Variants in RNF175 observed in about 807,000 individuals in gnomAD.
RNF175 encodes the protein ring finger protein 175.
Under a neutral mutation model 50.0 loss-of-function variants are expected in RNF175, and 38 were observed. That is an observed-to-expected ratio of 0.76 (90% CI 0.59 to 1.00). The LOEUF (loss-of-function observed/expected upper bound fraction) is 1.00. Among genes scored for constraint, RNF175 ranks in the 50% least tolerant of loss-of-function variants. RNF175 has a pLI of 0.00. For synonymous variants in RNF175, 155 were observed against 146.1 expected (o/e 1.06, Z -0.44); for missense variants, 388 against 409.6 (o/e 0.95, Z 0.46).
chr4:153,738,315 C>A (rs1327231444), intron 3 of RNF175, among the ~76,000 whole-genome samples: 2 of 151,810 alleles, frequency 1.3e-5, no homozygotes, highest in Non-Finnish European at 2.9e-5. Flanking sequence ...CTCCAAGTAG[C>A]TGGAACTACA....
chr4:153,734,890 A>T (rs1446381007), intron 3 of RNF175, among the ~76,000 whole-genome samples: 1 of 151,730 alleles, frequency 6.6e-6, no homozygotes, highest in East Asian at 1.9e-4. Flanking sequence ...GTTAGCCAGG[A>T]TGGTCTCGAT....
intron 1 of RNF175, among the ~76,000 whole-genome samples, chr4:153,757,010 C>T (rs2127171131): frequency 6.6e-6 from 1 of 152,256 alleles, no homozygotes; most frequent in South Asian, 2.1e-4. Flanking sequence ...TCCAACATGG[C>T]TCACAAGGCC....
chr4:153,742,858 T>A (rs769325280), intron 3 of RNF175, among the ~76,000 whole-genome samples: 1 of 150,998 alleles, frequency 6.6e-6, no homozygotes, highest in Non-Finnish European at 1.5e-5. Context: ...ATTAATATGT[T>A]CCTAATATTG....
intron 8 of RNF175, among the ~76,000 whole-genome samples, chr4:153,711,335 C>T (rs143778465): frequency 2.0e-5 from 3 of 152,024 alleles, no homozygotes; most frequent in East Asian, 3.9e-4. Flanking sequence ...ACTGACTCAC[C>T]GAGAAAGGCC....
intron 3 of RNF175, 132 bp downstream of exon 3, chr4:153,748,513 T>C (rs1740100923): frequency 4.2e-6 from 3 of 713,554 alleles, no homozygotes; most frequent in Non-Finnish European, 4.1e-6. Context: ...AAATTGCACT[T>C]GGTTGAGAAC....
intron 6 of RNF175, among the ~76,000 whole-genome samples, chr4:153,719,607 A>G (rs1182470476): frequency 5.9e-5 from 9 of 152,350 alleles, no homozygotes; most frequent in Admixed American, 2.6e-4. Flanking sequence ...AAAGAGTTCA[A>G]AAAAAGAAAA....
intron 6 of RNF175, among the ~76,000 whole-genome samples, chr4:153,716,735 C>T (rs1444335999): frequency 3.3e-5 from 5 of 152,238 alleles, no homozygotes; most frequent in African/African-American, 1.2e-4. Context: ...AGCAGGTTGG[C>T]AGGCCAGCAG....
intron 3 of RNF175, among the ~76,000 whole-genome samples, chr4:153,747,914 C>T (rs1485463443): frequency 6.6e-6 from 1 of 152,196 alleles, no homozygotes; most frequent in African/African-American, 2.4e-5. Flanking sequence ...GGTCTGGAGG[C>T]TAGAAAGTAC....
intron 1 of RNF175, among the ~76,000 whole-genome samples, chr4:153,759,066 G>C (rs548461982): frequency 5.1e-4 from 77 of 152,244 alleles, no homozygotes; most frequent in African/African-American, 1.8e-3. Context: ...CTCGTTTTAC[G>C]GATGGGATTT....
chr4:153,758,701 C>T (rs1395316971), intron 1 of RNF175, among the ~76,000 whole-genome samples: 1 of 152,132 alleles, frequency 6.6e-6, no homozygotes, highest in African/African-American at 2.4e-5. Flanking sequence ...GCATTCCTGA[C>T]CCCTAGGTTT....
At chr4:153,727,336 A>G (rs1430115485) in intron 4 of RNF175, among the ~76,000 whole-genome samples, 2 of 152,134 alleles carry the variant, frequency 1.3e-5, no homozygotes, top group South Asian at 4.2e-4. Context: ...TACTCATAAC[A>G]TGAATTCATG....
At chr4:153,749,811 A>C (rs550326712) in intron 2 of RNF175, among the ~76,000 whole-genome samples, 10 of 152,316 alleles carry the variant, frequency 6.6e-5, no homozygotes, top group African/African-American at 2.4e-4. Context: ...AAATTCATAC[A>C]CTGATGTCCT....
intron 5 of RNF175, among the ~76,000 whole-genome samples, chr4:153,722,226 G>A (rs563236307): frequency 1.3e-5 from 2 of 152,268 alleles, no homozygotes; most frequent in Non-Finnish European, 2.9e-5. Flanking sequence ...AGCCTCAGTC[G>A]TGTCCCTGAG....
intron 6 of RNF175, among the ~76,000 whole-genome samples, chr4:153,718,440 T>C (rs952883044): frequency 2.0e-5 from 3 of 151,848 alleles, no homozygotes; most frequent in Non-Finnish European, 2.9e-5. Context: ...ACCAATGGCT[T>C]GAGGCAGTGG....
rs1251636561 is a variant in RNF175 at position 153,720,938 on chromosome 4, ATAT to A, written c.510-637_510-635del. Among the ~76,000 whole-genome samples, 7 of 152,334 alleles carry A rather than the reference ATAT, an allele frequency of 4.6e-5. 1 individual carries two copies. In the East Asian group the frequency reaches 1.3e-3, roughly 29 times the overall value. On this transcript the variant is annotated intron_variant, in intron 5 of 8. Transcript: ENST00000347063. Reference sequence around the variant, plus strand: ...CTTTCCTAACAAGTGCTTGAGATAGATATTATCACCACCACTTTACATGTGAAA... The same window carrying A: ...CTTTCCTAACAAGTGCTTGAGATAGATATCACCACCACTTTACATGTGAAA...
At chr4:153,722,806 C>T (rs1738428810) in intron 5 of RNF175, among the ~76,000 whole-genome samples, 1 of 151,118 alleles carries the variant, frequency 6.6e-6, no homozygotes, top group Non-Finnish European at 1.5e-5. Flanking sequence ...TGAAATTAAT[C>T]TCACCAATAT....
chr4:153,723,795 C>A (rs1738500916), intron 4 of RNF175, among the ~76,000 whole-genome samples: 1 of 152,140 alleles, frequency 6.6e-6, no homozygotes, highest in South Asian at 2.1e-4. Flanking sequence ...CTCATTTGGT[C>A]CTAGGGTTAA....
At chr4:153,712,441 T>C in intron 8 of RNF175, 34 bp downstream of exon 8, 1 of 1,197,250 alleles carries the variant, frequency 8.4e-7, no homozygotes, top group Non-Finnish European at 1.2e-6. Flanking sequence ...ACATTCAAGA[T>C]AATCTCTTAT....
At chr4:153,719,834 A>ACAATAAC in intron 6 of RNF175, among the ~76,000 whole-genome samples, 1 of 152,228 alleles carries the variant, frequency 6.6e-6, no homozygotes, top group African/African-American at 2.4e-5. Context: ...GACAGAGCTG[A>ACAATAAC]AAGGTTTTAG....
Sources: allele counts gnomAD v4.1 joint callset (sites outside exome capture counted in the v4.1 genomes callset), GRCh38; gene constraint gnomAD v4.1.1; transcripts MANE v1.5; gene names NCBI Gene and HGNC (gene_info 2026-07-23, HGNC 2026-07-21).